EVI5: variants seen among roughly 807,000 people sequenced by gnomAD.
The protein encoded by EVI5 is ecotropic viral integration site 5, also known as ecotropic viral integration site 5 protein homolog.
In EVI5, 73 loss-of-function variants were observed where a neutral mutation model predicts 112.0. That is an observed-to-expected ratio of 0.65 (90% CI 0.54 to 0.79). The LOEUF (loss-of-function observed/expected upper bound fraction) is 0.79. EVI5 is among the 30% of genes least tolerant of loss of function. The probability of loss-of-function intolerance (pLI) is 0.00; values close to 1 mark genes in which losing one functional copy is unlikely to be tolerated. For missense variants in EVI5, 900 were observed against 968.8 expected (o/e 0.93, Z 0.94); for synonymous variants, 305 against 319.9 (o/e 0.95, Z 0.50).
intron 1 of EVI5, among the ~76,000 whole-genome samples, chr1:92,754,968 C>T (rs1389691614): frequency 6.6e-6 from 1 of 151,160 alleles, no homozygotes; most frequent in Non-Finnish European, 1.5e-5. Flanking sequence ...TGTTTATAAA[C>T]ATACATGTAA....
chr1:92,708,275 A>G (rs1397152877), intron 2 of EVI5, among the ~76,000 whole-genome samples: 1 of 152,164 alleles, frequency 6.6e-6, no homozygotes, highest in Non-Finnish European at 1.5e-5. Flanking sequence ...ATATAGAAAG[A>G]ACCCTTACAA....
intron 1 of EVI5, among the ~76,000 whole-genome samples, chr1:92,748,883 A>G (rs903785116): frequency 6.6e-6 from 1 of 150,638 alleles, no homozygotes; most frequent in African/African-American, 2.5e-5. Flanking sequence ...CCTGACCAAC[A>G]GAAGAAACCC....
In EVI5 at chr1:92,508,725, T is replaced by C. The variant is rs1474784575; in HGVS notation, c.*4931A>G. On this transcript the variant is annotated 3_prime_UTR_variant, in exon 20 of 20. Coordinates refer to ENST00000684568, the MANE Select transcript of EVI5 (RefSeq NM_001350197.2). The stretch of plus-strand genomic sequence containing the variant: ...TATAAAATGGAAAACTTTAATTGTT[T>C]AAAGAAAAGGCACAAGTAAACATTT... 6.6e-6 allele frequency: 1 copy of C among 152,564 alleles called. No homozygotes were observed. The highest frequency in any genetic ancestry group is 1.5e-5 in the Non-Finnish European group (1 of 68,044). The allele number at this position is 152,564 out of a possible 1,614,324, so 9.5% of individuals were successfully genotyped here. A position where few individuals can be genotyped will look rare whatever the true frequency, so the allele number is the denominator to read the frequency against.
rs1650726324 is a variant in EVI5 at position 92,607,629 on chromosome 1, A to G, written c.1926T>C (p.Leu642=). 6.2e-7 allele frequency: 1 copy of G among 1,605,224 alleles called. No homozygotes were observed. Among genetic ancestry groups the G allele is most frequent in the South Asian group, 1.1e-5 (1 of 88,684 alleles). The change falls in exon 17 of 20, where the codon CTT becomes CTC. Residue 642 remains leucine (L), a synonymous_variant. Coordinates refer to ENST00000684568, the MANE Select transcript of EVI5 (RefSeq NM_001350197.2). The part of the protein sequence containing the change: ...QYLSAQNKGL[L]TQLSEAKRKQ... ...TACGCTTTGCTTCACTTAATTGAGTAAGGAGTCCTTTGTTCTGTGCAGAAA... is the reference window on the plus strand; with the variant it reads ...TACGCTTTGCTTCACTTAATTGAGTGAGGAGTCCTTTGTTCTGTGCAGAAA...
chr1:92,713,115 T>C (rs1239287713), intron 2 of EVI5, among the ~76,000 whole-genome samples: 2 of 152,008 alleles, frequency 1.3e-5, no homozygotes, highest in African/African-American at 4.8e-5. Flanking sequence ...ATTTATTTTA[T>C]CAAATACAGT....
intron 13 of EVI5, among the ~76,000 whole-genome samples, chr1:92,660,784 A>C (rs1166580487): frequency 6.6e-6 from 1 of 152,052 alleles, no homozygotes; most frequent in Non-Finnish European, 1.5e-5. Context: ...ATAGTGAAAG[A>C]AAGCACACAG....
intron 10 of EVI5, 113 bp downstream of exon 10, chr1:92,677,045 T>A: frequency 2.9e-6 from 2 of 694,024 alleles, no homozygotes; most frequent in Non-Finnish European, 4.9e-6. Flanking sequence ...TTAACTATAA[T>A]CTAGTAGGAT....
intron 13 of EVI5, chr1:92,647,245 T>C (rs182203189): frequency 5.8e-5 from 10 of 172,466 alleles, no homozygotes; most frequent in Admixed American, 2.7e-4. Flanking sequence ...TTCACTGACA[T>C]TTAAGTTATC....
intron 19 of EVI5, among the ~76,000 whole-genome samples, chr1:92,522,749 G>C (rs1661188696): frequency 6.6e-6 from 1 of 150,610 alleles, no homozygotes; most frequent in Non-Finnish European, 1.5e-5. Flanking sequence ...TAAGTAAAAA[G>C]TTTAAAACAT....
intron 1 of EVI5, among the ~76,000 whole-genome samples, chr1:92,778,573 C>A (rs376211529): frequency 2.6e-4 from 39 of 152,054 alleles, no homozygotes; most frequent in African/African-American, 9.2e-4. Context: ...ACTCTCCAAG[C>A]AGAAAACTGG....
chr1:92,563,103 C>T (rs1668883083), intron 19 of EVI5, among the ~76,000 whole-genome samples: 1 of 152,074 alleles, frequency 6.6e-6, no homozygotes, highest in Admixed American at 6.5e-5. Context: ...CTTGGTAAAA[C>T]TGAAAATTTT....
At chr1:92,522,374 G>A (rs1226520360) in intron 19 of EVI5, among the ~76,000 whole-genome samples, 2 of 151,888 alleles carry the variant, frequency 1.3e-5, no homozygotes, top group Non-Finnish European at 1.5e-5. Flanking sequence ...GTGGTGGCTC[G>A]TGCCTGTAAT....
chr1:92,709,011 A>C (rs1672441775), intron 2 of EVI5, among the ~76,000 whole-genome samples: 1 of 152,208 alleles, frequency 6.6e-6, no homozygotes, highest in African/African-American at 2.4e-5. Context: ...TGATGAAAAA[A>C]ATTCTAAAAT....
intron 1 of EVI5, among the ~76,000 whole-genome samples, chr1:92,781,343 C>T (rs997242822): frequency 6.6e-6 from 1 of 151,812 alleles, no homozygotes; most frequent in Non-Finnish European, 1.5e-5. Context: ...CCTGACTCTA[C>T]AAAACATACA....
chr1:92,607,634 G>C lies in EVI5; in HGVS notation c.1921C>G (p.Leu641Val). The stretch of plus-strand genomic sequence containing the variant: ...TTTGCTTCACTTAATTGAGTAAGGA[G>C]TCCTTTGTTCTGTGCAGAAAGATAC... The part of the protein sequence containing the change: ...VQYLSAQNKG[L>V]LTQLSEAKRK... The change falls in exon 17 of 20, where the codon CTC becomes GTC. Residue 641 changes from leucine (L) to valine (V), a missense_variant. Physicochemically the swap from Leu to Val is conservative, Grantham distance 32. Coordinates refer to ENST00000684568, the MANE Select transcript of EVI5 (RefSeq NM_001350197.2). The C allele has an allele frequency of 1.2e-6, 2 of 1,604,810 alleles. No individual in the cohort carries two copies. The highest frequency in any genetic ancestry group is 2.3e-5 in the South Asian group (2 of 88,698).
intron 1 of EVI5, among the ~76,000 whole-genome samples, chr1:92,765,295 T>A (rs1682456627): frequency 6.8e-6 from 1 of 147,062 alleles, no homozygotes; most frequent in South Asian, 2.2e-4. Flanking sequence ...GCTCAAGTGA[T>A]CCTCCCACCT....
chr1:92,679,763 T>G (rs529829019), intron 9 of EVI5, among the ~76,000 whole-genome samples: 1 of 152,330 alleles, frequency 6.6e-6, no homozygotes, highest in East Asian at 1.9e-4. Flanking sequence ...TATCATTATG[T>G]GATCTTCAAA....
intron 18 of EVI5, among the ~76,000 whole-genome samples, chr1:92,564,645 C>A (rs576648942): frequency 2.6e-5 from 4 of 151,404 alleles, no homozygotes; most frequent in Non-Finnish European, 5.9e-5. Flanking sequence ...TTTCTTATAC[C>A]ACCTGAAAAC....
At chr1:92,609,734 C>A (rs183380897) in intron 16 of EVI5, among the ~76,000 whole-genome samples, 1 of 152,158 alleles carries the variant, frequency 6.6e-6, no homozygotes, top group Admixed American at 6.5e-5. Flanking sequence ...GAAAAAGACC[C>A]CCCTCCAGTT....
Sources: gnomAD v4.1 joint callset for allele counts (sites outside exome capture counted in the v4.1 genomes callset) on GRCh38, gnomAD v4.1.1 for gene constraint, MANE v1.5 for transcripts, NCBI Gene and HGNC (gene_info 2026-07-23, HGNC 2026-07-21) for gene names.